The following SYT14 variants were observed in gnomAD, a reference collection of about 807,000 sequenced individuals.
The protein encoded by SYT14 is synaptotagmin-14.
SYT14 carries 32 observed loss-of-function variants against 74.2 expected under a neutral mutation model. That is an observed-to-expected ratio of 0.43 (90% CI 0.33 to 0.58). The LOEUF is 0.58. Among genes scored for constraint, SYT14 ranks in the 20% least tolerant of loss-of-function variants. The pLI, the probability that SYT14 is intolerant of heterozygous loss-of-function variation, is 0.05. For synonymous variants in SYT14, 298 were observed against 337.7 expected, an observed-to-expected ratio of 0.88 and a Z score of 1.29; for missense variants, 791 against 981.8, an observed-to-expected ratio of 0.81 and a Z score of 2.60.
chr1:209,939,300 T>G (rs560845470), intron 1 of SYT14, among the ~76,000 whole-genome samples: 25 of 152,368 alleles, frequency 1.6e-4, no homozygotes, highest in African/African-American at 5.8e-4. Context: ...TACCTATAGC[T>G]ATATCATTAT....
At chr1:210,132,570 TGTGTGTG>T (rs2082698868) in intron 7 of SYT14, among the ~76,000 whole-genome samples, 1 of 139,450 alleles carries the variant, frequency 7.2e-6, no homozygotes, top group Non-Finnish European at 1.5e-5. Flanking sequence ...TTATATATTG[TGTGTGTG>T]TGTGTGTGTG....
intron 2 of SYT14, among the ~76,000 whole-genome samples, chr1:209,991,258 A>C (rs1407010576): frequency 1.3e-5 from 2 of 152,228 alleles, no homozygotes; most frequent in Non-Finnish European, 2.9e-5. Context: ...AAGCAAATGC[A>C]ACAAAAACAA....
chr1:210,028,711 G>A lies in SYT14; in HGVS notation c.1312+7457G>A, dbSNP rs1244720710. The stretch of plus-strand genomic sequence containing the variant: ...GAATTGCTTCTGTGTTTTAGCTGTT[G>A]TGAATAATGCTGCTATGCACATGGG... On this transcript the variant is annotated intron_variant, in intron 5 of 9. Coordinates refer to ENST00000637265, the Ensembl canonical transcript of SYT14. Among the ~76,000 whole-genome samples the A allele has an allele frequency of 2.0e-5, 3 of 152,182 alleles. No homozygotes were observed. The East Asian group carries it at 5.8e-4, about 29-fold the overall frequency.
intron 7 of SYT14, among the ~76,000 whole-genome samples, chr1:210,143,077 T>C (rs2082953111): frequency 6.6e-6 from 1 of 152,100 alleles, no homozygotes; most frequent in Non-Finnish European, 1.5e-5. Flanking sequence ...ATAATAACAC[T>C]CTATTAGAGG....
exon 10 of SYT14, chr1:210,170,610 T>C (rs2083514492): frequency 6.6e-6 from 1 of 152,166 alleles, no homozygotes; most frequent in African/African-American, 2.4e-5. Context: ...TACGTTTTAG[T>C]ACTCACATGG....
intron 5 of SYT14, among the ~76,000 whole-genome samples, chr1:210,075,342 G>GTTTTTT (rs33985042): frequency 2.3e-5 from 3 of 127,672 alleles, no homozygotes; most frequent in Admixed American, 7.9e-5. Flanking sequence ...TCGAGGGTTT[G>GTTTTTT]TTTTTTTTTT....
chr1:210,159,380 G>C (rs755264647), intron 8 of SYT14, 41 bp from the exon 8 acceptor site: 1 of 1,538,276 alleles, frequency 6.5e-7, no homozygotes, highest in South Asian at 1.2e-5. Context: ...ATTGACATCT[G>C]GTCATTATTT....
chr1:209,974,130 G>C (rs1296297086), intron 2 of SYT14, among the ~76,000 whole-genome samples: 1 of 151,978 alleles, frequency 6.6e-6, no homozygotes, highest in Non-Finnish European at 1.5e-5. Flanking sequence ...CAGATGAGTA[G>C]ATTGCAAAAA....
intron 7 of SYT14, among the ~76,000 whole-genome samples, chr1:210,126,196 C>A (rs12030382): frequency 0.022 from 3,294 of 151,548 alleles, 107 homozygotes; most frequent in East Asian, 0.14. Flanking sequence ...AGTGAGACTC[C>A]GTCTCAAGAA....
At chr1:210,169,221 GTTTTTTTTTT>G (rs35974726) in exon 10 of SYT14, 3 of 50,240 alleles carry the variant, frequency 6.0e-5, no homozygotes, top group South Asian at 9.6e-4. Context: ...TGTTTTTGGT[GTTTTTTTTTT>G]TTTTTTTTTT....
At chr1:210,042,058 C>T (rs935587167) in intron 5 of SYT14, among the ~76,000 whole-genome samples, 4 of 151,862 alleles carry the variant, frequency 2.6e-5, no homozygotes, top group Non-Finnish European at 5.9e-5. Flanking sequence ...TAGGATGTTG[C>T]ATTCTGAGTG....
At position 210,039,453 on chromosome 1, in the gene SYT14, C is replaced by T. The variant is rs977797267; in HGVS notation, c.1312+18199C>T. 2.0e-5 allele frequency among the ~76,000 whole-genome samples: 3 copies of T among 152,128 alleles called. No homozygotes were observed. In the South Asian group the frequency reaches 6.2e-4, roughly 31 times the overall value. On this transcript the variant is annotated intron_variant, in intron 5 of 9. Coordinates refer to ENST00000637265, the Ensembl canonical transcript of SYT14. ...GCCCTAGAGGAAAACCTAGGCAATA[C>T]CATTCAGGACATAGGCATGGGCAAA...
chr1:210,100,938 A>T (rs1226295088), intron 7 of SYT14, among the ~76,000 whole-genome samples: 2 of 152,174 alleles, frequency 1.3e-5, no homozygotes, highest in Non-Finnish European at 2.9e-5. Context: ...AACTTCTGTG[A>T]AATTATTTTA....
At chr1:209,990,948 G>T (rs760697014) in intron 2 of SYT14, among the ~76,000 whole-genome samples, 16 of 152,026 alleles carry the variant, frequency 1.1e-4, no homozygotes, top group Non-Finnish European at 2.2e-4. Context: ...CAGATTAGTA[G>T]AATAGAATAG....
chr1:210,034,159 T>A (rs1408736738), intron 5 of SYT14, among the ~76,000 whole-genome samples: 1 of 151,756 alleles, frequency 6.6e-6, no homozygotes, highest in Non-Finnish European at 1.5e-5. Context: ...GTGTCCATAT[T>A]TTGAAGATGA....
chr1:210,101,992 T>C (rs1015540166), intron 7 of SYT14, among the ~76,000 whole-genome samples: 2 of 152,198 alleles, frequency 1.3e-5, no homozygotes, highest in Admixed American at 1.3e-4. Flanking sequence ...CTACATTACG[T>C]GTGTTAGCTT....
chr1:210,139,265 CTTTTTTTTTTTT>C (rs960923188), intron 7 of SYT14, among the ~76,000 whole-genome samples: 4 of 95,814 alleles, frequency 4.2e-5, no homozygotes, highest in African/African-American at 1.6e-4. Context: ...TTTCTTTTTT[CTTTTTTTTTTTT>C]TTTTTTTTTT....
rs534431444 is a variant in SYT14 at position 210,080,547 on chromosome 1, A to T, written c.1313-13775A>T. On this transcript the variant is annotated intron_variant, in intron 5 of 9. Coordinates refer to ENST00000637265, the Ensembl canonical transcript of SYT14. The stretch of plus-strand genomic sequence containing the variant: ...CAGAGGTTTCACTGCCCTGCCAGTC[A>T]TGGTTGGGTCACATTGAATACCTCT... Among the ~76,000 whole-genome samples, 17 of 152,320 alleles carry T rather than the reference A, an allele frequency of 1.1e-4. No homozygotes were observed. The East Asian group carries it at 3.3e-3, about 29-fold the overall frequency.
chr1:210,144,426 T>C (rs1364619325), intron 7 of SYT14, among the ~76,000 whole-genome samples: 1 of 152,168 alleles, frequency 6.6e-6, no homozygotes, highest in East Asian at 1.9e-4. Flanking sequence ...AGATGCTAAA[T>C]ACCTTACTAA....
Sources: allele counts gnomAD v4.1 joint callset (sites outside exome capture counted in the v4.1 genomes callset), GRCh38; gene constraint gnomAD v4.1.1; transcripts MANE v1.5; gene names NCBI Gene and HGNC (gene_info 2026-07-23, HGNC 2026-07-21).